The following APPL1 variants were observed in gnomAD, a reference collection of about 807,000 sequenced individuals.
APPL1 encodes DCC-interacting protein 13-alpha.
Under a neutral mutation model 106.8 loss-of-function variants are expected in APPL1, and 42 were observed. That is an observed-to-expected ratio of 0.39 (90% confidence interval 0.31 to 0.51). APPL1 has a LOEUF of 0.51. Ranked by LOEUF, APPL1 falls within the 20% of genes least tolerant of loss-of-function variation. The probability of loss-of-function intolerance (pLI) is 0.75; values close to 1 mark genes in which losing one functional copy is unlikely to be tolerated. For missense variants in APPL1, 769 were observed against 858.2 expected (o/e 0.90, Z 1.30); for synonymous variants, 263 against 281.8 (o/e 0.93, Z 0.67).
At position 57,272,623 on chromosome 3, in the gene APPL1, A is replaced by G. The variant is rs1276156028; in HGVS notation, c.*2936A>G. 1 of 152,162 alleles carries G rather than the reference A, an allele frequency of 6.6e-6. No individual in the cohort carries two copies. Among genetic ancestry groups the G allele is most frequent in the Non-Finnish European group, 1.5e-5 (1 of 68,074 alleles). The allele number at this position is 152,162 out of a possible 1,614,324, so 9.4% of individuals were successfully genotyped here. ...GAAAAAAAAAGTGTTTTTTTGAGACAGAGTCTTGCTCTGTTGCCCAGGCTG... is the reference window on the plus strand; with the variant it reads ...GAAAAAAAAAGTGTTTTTTTGAGACGGAGTCTTGCTCTGTTGCCCAGGCTG... On this transcript the variant is annotated 3_prime_UTR_variant, in exon 22 of 22. Coordinates refer to ENST00000288266, the MANE Select transcript of APPL1 (RefSeq NM_012096.3).
At chr3:57,266,039 T>A (rs1049912586) in intron 19 of APPL1, among the ~76,000 whole-genome samples, 1 of 152,266 alleles carries the variant, frequency 6.6e-6, no homozygotes, top group Non-Finnish European at 1.5e-5. Flanking sequence ...ATTCCTGGGA[T>A]AAATCCCACT....
intron 13 of APPL1, among the ~76,000 whole-genome samples, chr3:57,256,631 T>C (rs544450621): frequency 6.6e-6 from 1 of 152,332 alleles, no homozygotes; most frequent in African/African-American, 2.4e-5. Flanking sequence ...ATAAAAAATA[T>C]CTGGTAGTTA....
chr3:57,268,287 T>C (rs953903578), intron 20 of APPL1, 111 bp from the exon 21 acceptor site: 6 of 1,117,278 alleles, frequency 5.4e-6, no homozygotes, highest in Non-Finnish European at 6.2e-6. Flanking sequence ...TGCTTTCTTA[T>C]GTATAAATGC....
At chr3:57,258,373 A>G (rs755782954) in intron 15 of APPL1, among the ~76,000 whole-genome samples, 1 of 152,144 alleles carries the variant, frequency 6.6e-6, no homozygotes, top group Non-Finnish European at 1.5e-5. Flanking sequence ...TTGCCCTAGC[A>G]GATCTCAAAC....
In APPL1 at chr3:57,256,980, A is replaced by G. The variant is rs575856765; in HGVS notation, c.1176A>G (p.Gln392=). 3.4e-5 allele frequency: 55 copies of G among 1,614,184 alleles called. No homozygotes were observed. Among genetic ancestry groups the G allele is most frequent in the Admixed American group, 2.7e-4 (16 of 60,016 alleles). The stretch of plus-strand genomic sequence containing the variant: ...AGGAAACTGCTGCACGAGTAAATCA[A>G]TCAGCTCTGGAAGCTGTCACTCCTT... ...NPEETAARVN[Q]SALEAVTPSP... Residue 392 remains glutamine (Q), a synonymous_variant, in exon 14 of 22, where the codon CAA becomes CAG. Transcript: ENST00000288266.
Position 57,272,199 on chromosome 3 carries a change from A to AGTAT in APPL1, c.*2515_*2518dup, listed in dbSNP as rs1210571386. The AGTAT allele has an allele frequency of 9.8e-5, 15 of 152,350 alleles. No homozygotes were observed. The highest frequency in any genetic ancestry group is 2.1e-4 in the Non-Finnish European group (14 of 68,036). The allele number at this position is 152,350 out of a possible 1,614,324, so 9.4% of individuals were successfully genotyped here. On this transcript the variant is annotated 3_prime_UTR_variant, in exon 22 of 22. Coordinates refer to ENST00000288266, the MANE Select transcript of APPL1 (RefSeq NM_012096.3). ...AATGCATTCTGTTACCTATTTGAAC[A>AGTAT]GTATGTTTGTAACTATGGCAATGAA... is the stretch of plus-strand genomic sequence containing the variant.
intron 19 of APPL1, among the ~76,000 whole-genome samples, chr3:57,266,991 T>TA (rs1326622471): frequency 9.2e-5 from 14 of 151,842 alleles, no homozygotes; most frequent in Non-Finnish European, 1.5e-5. Flanking sequence ...TTTTGCTTAC[T>TA]ATAGCCTTGT....
chr3:57,232,469 A>T (rs2060691872), intron 1 of APPL1, among the ~76,000 whole-genome samples: 1 of 152,200 alleles, frequency 6.6e-6, no homozygotes, highest in South Asian at 2.1e-4. Context: ...TTCAACTAAC[A>T]GATCAATTTT....
At chr3:57,240,814 T>C (rs1290731617) in intron 5 of APPL1, among the ~76,000 whole-genome samples, 7 of 152,164 alleles carry the variant, frequency 4.6e-5, no homozygotes, top group Non-Finnish European at 7.3e-5. Flanking sequence ...ATGTCTCTTA[T>C]AATTAGGGAA....
intron 19 of APPL1, among the ~76,000 whole-genome samples, chr3:57,261,821 T>G (rs2060867756): frequency 6.6e-6 from 1 of 152,060 alleles, no homozygotes; most frequent in Non-Finnish European, 1.5e-5. Context: ...CCCGGTCTAT[T>G]TTTAGTTTTT....
At chr3:57,268,544 A>G in intron 21 of APPL1, 57 bp downstream of exon 21, 1 of 1,485,270 alleles carries the variant, frequency 6.7e-7, no homozygotes, top group Non-Finnish European at 8.9e-7. Context: ...TTAATTCAGC[A>G]CTATGACTTT....
intron 15 of APPL1, among the ~76,000 whole-genome samples, chr3:57,258,228 G>T (rs1218298919): frequency 6.6e-6 from 1 of 152,160 alleles, no homozygotes; most frequent in Non-Finnish European, 1.5e-5. Flanking sequence ...CATGATCATA[G>T]CTCACTGCAG....
At chr3:57,255,992 A>G (rs2060833229) in intron 13 of APPL1, among the ~76,000 whole-genome samples, 1 of 152,168 alleles carries the variant, frequency 6.6e-6, no homozygotes, top group Admixed American at 6.5e-5. Flanking sequence ...TTAGCATTGT[A>G]TTAGTCATTT....
intron 19 of APPL1, among the ~76,000 whole-genome samples, chr3:57,262,390 T>TTTTTTTTTTTTTTTTTTTTTTTTC (rs2060871408): frequency 1.0e-5 from 1 of 96,244 alleles, no homozygotes; most frequent in Non-Finnish European, 2.2e-5. Flanking sequence ...ATAACCTTTT[T>TTTTTTTTTTTTTTTTTTTTTTTTC]TTTTTTTTTT....
chr3:57,253,963 A>G (rs1201041357), intron 13 of APPL1, among the ~76,000 whole-genome samples: 5 of 151,826 alleles, frequency 3.3e-5, no homozygotes, highest in African/African-American at 9.7e-5. Context: ...CCCAGGTTCA[A>G]GCGATTCTCC....
rs149863724 is a variant in APPL1, at chr3:57,248,301, T to C, written c.813T>C (p.Phe271=). 9.3e-6 allele frequency: 15 copies of C among 1,614,004 alleles called. No homozygotes were observed. The African/African-American group carries it at 1.7e-4, about 19-fold the overall frequency. The change falls in exon 10 of 22, where the codon TTT becomes TTC. Residue 271 remains phenylalanine (F), a synonymous_variant. Coordinates refer to ENST00000288266, the MANE Select transcript of APPL1 (RefSeq NM_012096.3). ...TGCCTGACCCAGACCCCACCAAATTTCCTGTTAATCGAAATTTAACCCGAA... is the reference window on the plus strand; with the variant it reads ...TGCCTGACCCAGACCCCACCAAATTCCCTGTTAATCGAAATTTAACCCGAA... ...LYVPDPDPTK[F]PVNRNLTRKA... is the part of the protein sequence containing the mutation.
In APPL1 at chr3:57,230,854, A is replaced by G. The variant is rs180735297; in HGVS notation, c.54+2917A>G. ...GCACAGCCATAGCTCTGAAACCTCAAACTCCTGGGCACACGCCACCAAGCT... is the reference window on the plus strand; with the variant it reads ...GCACAGCCATAGCTCTGAAACCTCAGACTCCTGGGCACACGCCACCAAGCT... On this transcript the variant is annotated intron_variant, in intron 1 of 21. Transcript: ENST00000288266. 225 of 408,278 alleles carry G rather than the reference A, an allele frequency of 5.5e-4. 1 individual carries two copies. The highest frequency in any genetic ancestry group is 1.9e-3 in the Admixed American group (52 of 27,346). The allele number at this position is 408,278 out of a possible 1,614,324, so 25.3% of individuals were successfully genotyped here. A position where few individuals can be genotyped will look rare whatever the true frequency, so the allele number is the denominator to read the frequency against.
chr3:57,271,173 G>C lies in APPL1; in HGVS notation c.*1486G>C, dbSNP rs2060936134. 1 of 151,376 alleles carries C rather than the reference G, an allele frequency of 6.6e-6. No homozygotes were observed. The highest frequency in any genetic ancestry group is 2.4e-5 in the African/African-American group (1 of 40,984). 9.4% of individuals were successfully genotyped at this position (151,376 alleles called of 1,614,324 possible). A position where few individuals can be genotyped will look rare whatever the true frequency, so the allele number is the denominator to read the frequency against. On this transcript the variant is annotated 3_prime_UTR_variant, in exon 22 of 22. Coordinates refer to ENST00000288266, the MANE Select transcript of APPL1 (RefSeq NM_012096.3). ...TATACAGTTTTTTCTTCTTAGTTCT[G>C]CATTAGAAATGGCATCTGTTTTAGG...
chr3:57,231,338 CA>C (rs71088043), intron 1 of APPL1, among the ~76,000 whole-genome samples: 22,142 of 71,526 alleles, frequency 0.31, 619 homozygotes, highest in Middle Eastern at 0.37. Context: ...GACTCCGTCT[CA>C]AAAAAAAAAA....
Sources: allele counts gnomAD v4.1 joint callset (sites outside exome capture counted in the v4.1 genomes callset), GRCh38; gene constraint gnomAD v4.1.1; transcripts MANE v1.5; gene names NCBI Gene and HGNC (gene_info 2026-07-23, HGNC 2026-07-21).